The following RIMS1 variants were observed in gnomAD, a reference collection of about 807,000 sequenced individuals.
The protein encoded by RIMS1 is regulating synaptic membrane exocytosis protein 1.
In RIMS1, 83 loss-of-function variants were observed where a neutral mutation model predicts 214.1. The ratio of observed to expected loss-of-function variants is 0.39; its 90% CI spans 0.32 to 0.47. RIMS1 has a LOEUF of 0.47. RIMS1 is among the 20% of genes least tolerant of loss of function. The probability of loss-of-function intolerance (pLI) is 0.99; values close to 1 mark genes in which losing one functional copy is unlikely to be tolerated. For synonymous variants in RIMS1, 793 were observed against 786.8 expected, an observed-to-expected ratio of 1.01 and a Z score of -0.13; for missense variants, 2,050 against 2,161.8, an observed-to-expected ratio of 0.95 and a Z score of 1.03.
At chr6:72,282,313 G>A (rs1330782655) in intron 23 of RIMS1, among the ~76,000 whole-genome samples, 1 of 151,874 alleles carries the variant, frequency 6.6e-6, no homozygotes, top group Non-Finnish European at 1.5e-5. Context: ...TCTTCCCTGT[G>A]CTTCAGGAAC....
intron 4 of RIMS1, 162 bp from the exon 5 acceptor site, chr6:72,179,413 A>C (rs1379406209): frequency 1.4e-6 from 1 of 701,906 alleles, no homozygotes; most frequent in Admixed American, 2.1e-5. Flanking sequence ...AGGCATTCAT[A>C]TATTTGACTG....
At chr6:71,897,460 T>C (rs980320711) in intron 1 of RIMS1, among the ~76,000 whole-genome samples, 6 of 152,196 alleles carry the variant, frequency 3.9e-5, no homozygotes, top group Non-Finnish European at 8.8e-5. Context: ...CCTGCCATAA[T>C]CTTGCTGAAC....
chr6:72,017,518 A>G (rs919356343), intron 2 of RIMS1, among the ~76,000 whole-genome samples: 20 of 152,214 alleles, frequency 1.3e-4, no homozygotes, highest in Non-Finnish European at 2.9e-5. Flanking sequence ...AAGTAAGGTA[A>G]AAACATTAGC....
intron 2 of RIMS1, among the ~76,000 whole-genome samples, chr6:71,996,996 A>G (rs781694487): frequency 1.4e-4 from 21 of 152,188 alleles, no homozygotes; most frequent in Admixed American, 5.2e-4. Context: ...TGACAGATCA[A>G]TTTTCATCAG....
At chr6:72,259,898 G>A (rs2077255416) in intron 18 of RIMS1, among the ~76,000 whole-genome samples, 1 of 152,140 alleles carries the variant, frequency 6.6e-6, no homozygotes, top group Non-Finnish European at 1.5e-5. Flanking sequence ...GGTCATGATA[G>A]TGGTGCTAAA....
intron 2 of RIMS1, among the ~76,000 whole-genome samples, chr6:72,081,833 T>C (rs750762613): frequency 2.0e-5 from 3 of 152,240 alleles, no homozygotes; most frequent in Non-Finnish European, 4.4e-5. Flanking sequence ...TTAAGTTATT[T>C]ACAACACCTG....
At chr6:72,105,325 A>G (rs1204943526) in intron 4 of RIMS1, among the ~76,000 whole-genome samples, 3 of 152,186 alleles carry the variant, frequency 2.0e-5, no homozygotes, top group East Asian at 3.9e-4. Flanking sequence ...CAAAATTACT[A>G]TCTCATTCTT....
At chr6:72,122,357 A>G (rs1015398688) in intron 4 of RIMS1, among the ~76,000 whole-genome samples, 3 of 151,278 alleles carry the variant, frequency 2.0e-5, no homozygotes, top group Admixed American at 2.0e-4. Flanking sequence ...GGTGCCTGCC[A>G]CTGCACCTGG....
At chr6:72,394,406 TATA>T (rs1315936852) in intron 31 of RIMS1, among the ~76,000 whole-genome samples, 1 of 151,954 alleles carries the variant, frequency 6.6e-6, no homozygotes, top group African/African-American at 2.4e-5. Flanking sequence ...GTCAAAATAA[TATA>T]AATATTAATA....
chr6:72,258,962 A>G (rs540046146), intron 17 of RIMS1, 24 bp from the exon 18 acceptor site: 9 of 1,610,642 alleles, frequency 5.6e-6, no homozygotes, highest in Non-Finnish European at 6.8e-6. Flanking sequence ...AATTTGACAC[A>G]TAAGAATTTT....
intron 8 of RIMS1, 57 bp from the exon 9 acceptor site, chr6:72,237,766 T>G (rs999997428): frequency 2.4e-6 from 3 of 1,237,102 alleles, no homozygotes; most frequent in Non-Finnish European, 3.6e-6. Flanking sequence ...TTCCTCAAAC[T>G]AATAAGCTTA....
Position 72,265,443 on chromosome 6 carries a change from C to T in RIMS1, c.3248C>T (p.Ser1083Phe), listed in dbSNP as rs1047474081. The stretch of plus-strand genomic sequence containing the variant: ...AAATCAGTGACTAGACAGGACATTT[C>T]CCTTCATCATGAATGCTTTAACTCA... ...KTKSVTRQDI[S>F]LHHECFNSTV... The change falls in exon 21 of 34, where the codon TCC becomes TTC. Residue 1083 changes from serine to phenylalanine, a missense_variant. Around this residue, in one of 6 missense-constraint regions of RIMS1, gnomAD observed 889 missense variants for 885.5 expected, o/e 1.00. Transcript: ENST00000521978. The T allele has an allele frequency of 6.2e-7, 1 of 1,610,466 alleles. No homozygotes were observed. The highest frequency in any genetic ancestry group is 8.5e-7 in the Non-Finnish European group (1 of 1,177,432).
At chr6:72,356,964 T>G (rs1221605803) in intron 29 of RIMS1, among the ~76,000 whole-genome samples, 1 of 152,174 alleles carries the variant, frequency 6.6e-6, no homozygotes, top group East Asian at 1.9e-4. Flanking sequence ...ATTCAAAATT[T>G]TAAAGCCAGA....
intron 2 of RIMS1, among the ~76,000 whole-genome samples, chr6:72,070,704 G>A (rs978365489): frequency 3.9e-5 from 6 of 152,126 alleles, no homozygotes; most frequent in South Asian, 2.1e-4. Context: ...GGGTAGAGCC[G>A]CAACTTTACA....
At chr6:72,200,856 A>AT (rs1216773714) in intron 6 of RIMS1, among the ~76,000 whole-genome samples, 56 of 80,198 alleles carry the variant, frequency 7.0e-4, no homozygotes, top group Non-Finnish European at 1.1e-3. Context: ...AAAGGACACA[A>AT]TTGTGTGTGT....
intron 1 of RIMS1, among the ~76,000 whole-genome samples, chr6:71,958,032 A>C (rs1791805171): frequency 6.6e-6 from 1 of 152,166 alleles, no homozygotes; most frequent in Non-Finnish European, 1.5e-5. Context: ...GTTGTTATTT[A>C]ACCTTCTTAC....
At chr6:72,265,273 C>A in intron 20 of RIMS1, 117 bp from the exon 21 acceptor site, 1 of 642,938 alleles carries the variant, frequency 1.6e-6, no homozygotes, top group Non-Finnish European at 2.6e-6. Context: ...CTCTGAATGA[C>A]ATCTACTAAC....
intron 6 of RIMS1, among the ~76,000 whole-genome samples, chr6:72,189,888 GAAC>G (rs1423850292): frequency 2.0e-5 from 3 of 152,166 alleles, no homozygotes; most frequent in Non-Finnish European, 4.4e-5. Flanking sequence ...ACCTGTTGGT[GAAC>G]ACTCATATGG....
At chr6:71,951,266 A>T (rs1789424941) in intron 1 of RIMS1, among the ~76,000 whole-genome samples, 1 of 152,126 alleles carries the variant, frequency 6.6e-6, no homozygotes, top group Non-Finnish European at 1.5e-5. Context: ...GCTTGTATCA[A>T]CTTCAACTTG....
Sources: gnomAD v4.1 joint callset for allele counts (sites outside exome capture counted in the v4.1 genomes callset) on GRCh38, gnomAD v4.1.1 for gene constraint, gnomAD v4.1.1 regional missense constraint, MANE v1.5 for transcripts, NCBI Gene and HGNC (gene_info 2026-07-23, HGNC 2026-07-21) for gene names.